The following NVL variants were observed in gnomAD, a reference collection of about 807,000 sequenced individuals.
NVL encodes the protein nuclear VCP like, also known as nuclear valosin-containing protein-like.
A neutral mutation model predicts 110.2 loss-of-function variants in NVL; 84 were observed. The ratio of observed to expected loss-of-function variants is 0.76; its 90% CI spans 0.64 to 0.91. The LOEUF is 0.91. Ranked by LOEUF, NVL falls within the 40% of genes least tolerant of loss-of-function variation. The pLI is 0.00. For missense variants in NVL, 882 were observed against 1,035.9 expected (o/e 0.85, Z 2.04); for synonymous variants, 354 against 361.1 (o/e 0.98, Z 0.22).
At chr1:224,328,735 G>A (rs917971276) in intron 1 of NVL, among the ~76,000 whole-genome samples, 10 of 152,068 alleles carry the variant, frequency 6.6e-5, no homozygotes, top group Admixed American at 3.9e-4. Flanking sequence ...ACAACAGGAC[G>A]AACGGTAGTA....
intron 5 of NVL, 82 bp downstream of exon 5, chr1:224,311,718 C>G: frequency 9.6e-7 from 1 of 1,039,336 alleles, no homozygotes; most frequent in Admixed American, 1.7e-5. Context: ...CCATGTCCAG[C>G]TAATACTGAG....
In NVL at chr1:224,232,337, C is replaced by T. The variant is rs375257554; in HGVS notation, c.2455+864G>A. Among the ~76,000 whole-genome samples, 43 of 151,366 alleles carry T rather than the reference C, an allele frequency of 2.8e-4. No homozygotes were observed. The East Asian group carries it at 4.8e-3, about 17-fold the overall frequency. On this transcript the variant is annotated intron_variant, in intron 21 of 22. Coordinates refer to ENST00000281701, the MANE Select transcript of NVL (RefSeq NM_002533.4). ...CACTGCACTCCAGCCTGAGTGAGAG[C>T]GAGACTCTGTCTCAAAAAAAATAAA...
intron 13 of NVL, 51 bp downstream of exon 13, chr1:224,289,433 T>C (rs1373153945): frequency 3.1e-6 from 5 of 1,592,094 alleles, no homozygotes; most frequent in East Asian, 2.2e-5. Context: ...CAATGTAAGA[T>C]AACACAAAGA....
At chr1:224,249,150 A>G (rs1403203225) in intron 19 of NVL, among the ~76,000 whole-genome samples, 1 of 150,230 alleles carries the variant, frequency 6.7e-6, no homozygotes, top group Non-Finnish European at 1.5e-5. Context: ...AAGTCATTCA[A>G]TTTTTTTTTT....
intron 18 of NVL, among the ~76,000 whole-genome samples, chr1:224,261,102 C>T (rs2102799287): frequency 6.6e-6 from 1 of 152,272 alleles, no homozygotes; most frequent in South Asian, 2.1e-4. Context: ...TCTCGAACTC[C>T]TGACCTCATG....
chr1:224,269,735 A>AT (rs1246868633), intron 17 of NVL: 1 of 144,320 alleles, frequency 6.9e-6, no homozygotes, highest in African/African-American at 2.6e-5. Flanking sequence ...GGCTTACCTC[A>AT]TTTCTTTCTT....
chr1:224,291,086 G>A (rs1292193890), intron 12 of NVL, among the ~76,000 whole-genome samples: 2 of 152,244 alleles, frequency 1.3e-5, no homozygotes, highest in African/African-American at 2.4e-5. Context: ...TTGTGCTTCA[G>A]TTTGTTCATT....
chr1:224,325,855 C>T (rs1671093897), intron 2 of NVL, among the ~76,000 whole-genome samples: 2 of 152,166 alleles, frequency 1.3e-5, no homozygotes, highest in Admixed American at 1.3e-4. Context: ...GGCGTGACCA[C>T]AGCTCACTAC....
intron 20 of NVL, among the ~76,000 whole-genome samples, chr1:224,233,916 G>A (rs1660180730): frequency 2.0e-5 from 3 of 152,120 alleles, no homozygotes; most frequent in African/African-American, 7.2e-5. Context: ...TGGGCTGGGC[G>A]CAGTGGGTCA....
At chr1:224,298,522 C>G (rs1571992563) in intron 10 of NVL, 3 of 215,892 alleles carry the variant, frequency 1.4e-5, no homozygotes, top group East Asian at 2.2e-4. Context: ...GCATGCTCCA[C>G]CCAGAGAAGT....
At position 224,304,285 on chromosome 1, in the gene NVL, C is replaced by T. The variant is rs189863172; in HGVS notation, c.826-428G>A. On this transcript the variant is annotated intron_variant, in intron 8 of 22. Transcript: ENST00000281701. ...ACTAAAAATACAAAAATTAGCTGGG[C>T]GTGGTGGCACATGCCTGTAAACCCA... 4.5e-3 allele frequency among the ~76,000 whole-genome samples: 685 copies of T among 152,072 alleles called. 3 individuals are homozygous for T. Among genetic ancestry groups the T allele is most frequent in the Non-Finnish European group, 7.8e-3 (533 of 67,988 alleles).
chr1:224,308,210 A>G lies in NVL; in HGVS notation c.396T>C (p.Pro132=). The G allele has an allele frequency of 6.2e-7, 1 of 1,613,442 alleles. No homozygotes were observed. Among genetic ancestry groups the G allele is most frequent in the Non-Finnish European group, 8.5e-7 (1 of 1,179,844 alleles). ...TCTCAGGAGTATTTGAAACAGAATCAGGATTTCCTTTCCGATATAAAGACA... is the reference window on the plus strand; with the variant it reads ...TCTCAGGAGTATTTGAAACAGAATCGGGATTTCCTTTCCGATATAAAGACA... ...SLLSLYRKGN[P]DSVSNTPEME... is the part of the protein sequence containing the mutation. Residue 132 remains proline, a synonymous_variant, in exon 6 of 23, where the codon CCT becomes CCC. Transcript: ENST00000281701.
chr1:224,233,092 G>A (rs1012839906), intron 21 of NVL, 109 bp downstream of exon 21: 19 of 839,630 alleles, frequency 2.3e-5, no homozygotes, highest in African/African-American at 1.4e-4. Context: ...TTAGAAAAAC[G>A]TTAGCTTTAA....
In NVL at chr1:224,300,552, A is replaced by AG. The variant is rs764878251; in HGVS notation, c.1062+9_1062+10insC. 4 of 1,606,948 alleles carry AG rather than the reference A, an allele frequency of 2.5e-6. No individual in the cohort carries two copies. The highest frequency in any genetic ancestry group is 3.4e-6 in the Non-Finnish European group (4 of 1,174,356). On this transcript the variant is annotated intron_variant, in intron 10 of 22. Coordinates refer to ENST00000281701, the MANE Select transcript of NVL (RefSeq NM_002533.4). Reference sequence around the variant, plus strand: ...TCTGACCACCTGGCATTAGTCATTAACTGACTCACCACAGCTTGCTCAAAT... The same window carrying AG: ...TCTGACCACCTGGCATTAGTCATTAAGCTGACTCACCACAGCTTGCTCAAAT...
chr1:224,272,027 T>C (rs965049573), intron 17 of NVL, among the ~76,000 whole-genome samples: 2 of 148,684 alleles, frequency 1.3e-5, no homozygotes, highest in African/African-American at 5.0e-5. Flanking sequence ...AAAAACAGAA[T>C]GCATTCAAAT....
chr1:224,273,052 C>CAA (rs1416218877), intron 17 of NVL, among the ~76,000 whole-genome samples: 2,636 of 141,154 alleles, frequency 0.019, 134 homozygotes, highest in African/African-American at 0.065. Flanking sequence ...ACAAAAAAAA[C>CAA]AAACAAACAA....
At chr1:224,273,449 C>G (rs1665403474) in intron 17 of NVL, among the ~76,000 whole-genome samples, 1 of 151,446 alleles carries the variant, frequency 6.6e-6, no homozygotes, top group African/African-American at 2.4e-5. Context: ...CGGCAGTAGA[C>G]ATCCAAGAAA....
At position 224,233,300 on chromosome 1, in the gene NVL, A is replaced by G. The variant is rs1660108196; in HGVS notation, c.2367-11T>C. The G allele has an allele frequency of 6.3e-7, 1 of 1,590,450 alleles. No individual in the cohort carries two copies. Among genetic ancestry groups the G allele is most frequent in the South Asian group, 1.2e-5 (1 of 86,432 alleles). On this transcript the variant is annotated splice_polypyrimidine_tract_variant and intron_variant, in intron 20 of 22. Coordinates refer to ENST00000281701, the MANE Select transcript of NVL (RefSeq NM_002533.4). The stretch of plus-strand genomic sequence containing the variant: ...GAGAGATCTGCGCCCCTACAATAAA[A>G]TAATAGTTATCTACTTATTCTTAGA...
intron 10 of NVL, among the ~76,000 whole-genome samples, chr1:224,296,921 C>T (rs531088597): frequency 6.6e-6 from 1 of 152,128 alleles, no homozygotes; most frequent in East Asian, 1.9e-4. Flanking sequence ...ATTTGCTATG[C>T]TATGAAACAG....
Sources: gnomAD v4.1 joint callset for allele counts (sites outside exome capture counted in the v4.1 genomes callset) on GRCh38, gnomAD v4.1.1 for gene constraint, MANE v1.5 for transcripts, NCBI Gene and HGNC (gene_info 2026-07-23, HGNC 2026-07-21) for gene names.